TDRD9: variants seen among roughly 807,000 people sequenced by gnomAD.
The protein encoded by TDRD9 is ATP-dependent RNA helicase TDRD9.
TDRD9 carries 124 observed loss-of-function variants against 172.6 expected under a neutral mutation model. The observed-to-expected ratio is 0.72, with a 90% CI of 0.62 to 0.83. TDRD9 has a LOEUF of 0.83. TDRD9 is among the 40% of genes least tolerant of loss of function. The probability of loss-of-function intolerance (pLI) is 0.00; values close to 1 mark genes in which losing one functional copy is unlikely to be tolerated. For synonymous variants in TDRD9, 619 were observed against 617.1 expected, an observed-to-expected ratio of 1.00 and a Z score of -0.05; for missense variants, 1,479 against 1,714.1, an observed-to-expected ratio of 0.86 and a Z score of 2.42.
At chr14:103,966,239 G>A (rs1420024833) in intron 4 of TDRD9, among the ~76,000 whole-genome samples, 1 of 152,046 alleles carries the variant, frequency 6.6e-6, no homozygotes, top group Admixed American at 6.6e-5. Context: ...GCTGGGGTAT[G>A]AGAATTGCTT....
intron 4 of TDRD9, among the ~76,000 whole-genome samples, 169 bp from the exon 5 acceptor site, chr14:103,966,539 CA>C (rs1300155645): frequency 6.6e-6 from 1 of 151,712 alleles, no homozygotes; most frequent in African/African-American, 2.4e-5. Context: ...GCCCTCCCCC[CA>C]AAAAAGAAGA....
chr14:104,002,206 G>A (rs1041579210), intron 13 of TDRD9, among the ~76,000 whole-genome samples: 3 of 151,532 alleles, frequency 2.0e-5, no homozygotes, highest in African/African-American at 7.3e-5. Flanking sequence ...TGTACTCCCA[G>A]CTACTCAGTA....
At chr14:104,043,587 T>C (rs1290057312) in intron 34 of TDRD9, among the ~76,000 whole-genome samples, 1 of 152,140 alleles carries the variant, frequency 6.6e-6, no homozygotes, top group Admixed American at 6.5e-5. Flanking sequence ...CACAGGTATA[T>C]GCCCATGTGG....
At chr14:103,976,812 C>T (rs1007925769) in intron 7 of TDRD9, among the ~76,000 whole-genome samples, 1 of 152,110 alleles carries the variant, frequency 6.6e-6, no homozygotes, top group Non-Finnish European at 1.5e-5. Flanking sequence ...AAGAGTTCCC[C>T]TTTCTTTGCA....
intron 34 of TDRD9, among the ~76,000 whole-genome samples, chr14:104,044,998 T>C (rs978397272): frequency 1.3e-5 from 2 of 152,032 alleles, no homozygotes; most frequent in African/African-American, 4.8e-5. Context: ...CAAAAATTAG[T>C]AGGGCATGGT....
At chr14:104,033,338 G>A (rs1285348291) in intron 30 of TDRD9, among the ~76,000 whole-genome samples, 1 of 152,176 alleles carries the variant, frequency 6.6e-6, no homozygotes, top group Non-Finnish European at 1.5e-5. Context: ...GGATTTCAGA[G>A]TAGAAAGATC....
At chr14:104,050,252 G>A (rs1035415408) in intron 35 of TDRD9, among the ~76,000 whole-genome samples, 1 of 152,072 alleles carries the variant, frequency 6.6e-6, no homozygotes, top group African/African-American at 2.4e-5. Context: ...CTCTCTTAGG[G>A]CACAAATCCC....
At chr14:104,045,742 T>C (rs1402995083) in intron 34 of TDRD9, among the ~76,000 whole-genome samples, 10 of 152,240 alleles carry the variant, frequency 6.6e-5, no homozygotes. Flanking sequence ...AGAGTATGGA[T>C]TGTTGTAAAG....
intron 1 of TDRD9, among the ~76,000 whole-genome samples, chr14:103,929,293 T>G (rs10142365): frequency 0.022 from 3,364 of 152,220 alleles, 138 homozygotes; most frequent in Admixed American, 0.12. Flanking sequence ...TTTTACTGTC[T>G]CCATAATTTT....
At position 103,991,005 on chromosome 14, in the gene TDRD9, T is replaced by C. The variant is rs575616930; in HGVS notation, c.1116-155T>C. Among the ~76,000 whole-genome samples the C allele has an allele frequency of 9.2e-5, 14 of 152,346 alleles. No homozygotes were observed. The South Asian group carries it at 2.3e-3, about 25-fold the overall frequency. On this transcript the variant is annotated intron_variant, in intron 8 of 35. Transcript: ENST00000409874. Reference sequence around the variant, plus strand: ...GGGCCTTGGATGTTTTCTCATCTTTTTGGGCTTCGTGTTTTCTTATGTAAA... The same window carrying C: ...GGGCCTTGGATGTTTTCTCATCTTTCTGGGCTTCGTGTTTTCTTATGTAAA...
intron 23 of TDRD9, among the ~76,000 whole-genome samples, chr14:104,020,366 A>G (rs114689190): frequency 0.01 from 1,550 of 152,196 alleles, 23 homozygotes; most frequent in African/African-American, 0.035. Context: ...GGGAAGGAGG[A>G]TGTCTTGGAT....
Position 104,005,316 on chromosome 14 carries a change from G to A in TDRD9, c.1624G>A (p.Asp542Asn), listed in dbSNP as rs2034400214. 6.2e-7 allele frequency: 1 copy of A among 1,613,782 alleles called. No individual in the cohort carries two copies. Among genetic ancestry groups the A allele is most frequent in the African/African-American group, 1.3e-5 (1 of 74,870 alleles). The change falls in exon 15 of 36, where the codon GAC (aspartate) becomes AAC (asparagine). Residue 542 changes from aspartate (D) to asparagine (N), a missense_variant. Physicochemically the swap from Asp to Asn is conservative, Grantham distance 23 (BLOSUM62 1). Transcript: ENST00000409874. Reference sequence around the variant, plus strand: ...CACGATCTTGAAAGTGAAATTACTTGACATGGGTGAGCCGAGAGCTCTGCT... The same window carrying A: ...CACGATCTTGAAAGTGAAATTACTTAACATGGGTGAGCCGAGAGCTCTGCT... ...GSTILKVKLL[D>N]MGEPRALLAT...
chr14:104,000,325 G>A (rs564385310), intron 13 of TDRD9, among the ~76,000 whole-genome samples: 12 of 107,794 alleles, frequency 1.1e-4, no homozygotes, highest in Admixed American at 7.6e-4. Flanking sequence ...TGAGAGCCCC[G>A]TCTCAAAAAA....
Position 103,955,700 on chromosome 14 carries a change from TAAC to T in TDRD9, c.255_257del (p.Asn85del). The stretch of plus-strand genomic sequence containing the variant: ...AAAGGAGCTCAGAAGTAGAGTATAT[TAAC>T]AAATACAGACAGCTCGAAGCACAAG... On this transcript the variant is annotated inframe_deletion, in exon 2 of 36. Transcript: ENST00000409874. The T allele has an allele frequency of 6.4e-7, 1 of 1,551,438 alleles. No individual in the cohort carries two copies. Among genetic ancestry groups the T allele is most frequent in the African/African-American group, 1.4e-5 (1 of 73,146 alleles).
intron 31 of TDRD9, among the ~76,000 whole-genome samples, 155 bp from the exon 32 acceptor site, chr14:104,034,805 G>A (rs934089470): frequency 1.3e-5 from 2 of 152,232 alleles, no homozygotes; most frequent in Non-Finnish European, 2.9e-5. Context: ...ACAGAGAACA[G>A]GGAGTGTGCG....
chr14:104,027,354 G>C lies in TDRD9; in HGVS notation c.3282+415G>C, dbSNP rs549841763. On this transcript the variant is annotated intron_variant, in intron 28 of 35. Transcript: ENST00000409874. ...GCCACTGCACCCAGCCTCCTATTCA[G>C]CTTTTTATCTTCTTAGGATAGATTT... 2.5e-4 allele frequency among the ~76,000 whole-genome samples: 38 copies of C among 152,066 alleles called. No individual in the cohort carries two copies. The East Asian group carries it at 6.6e-3, about 26-fold the overall frequency.
intron 34 of TDRD9, among the ~76,000 whole-genome samples, chr14:104,042,780 C>T: frequency 6.6e-6 from 1 of 152,092 alleles, no homozygotes. Context: ...GCCAGTCTCC[C>T]TGGGAAGGGC....
At chr14:104,036,303 G>T (rs1024669556) in intron 32 of TDRD9, among the ~76,000 whole-genome samples, 1 of 152,088 alleles carries the variant, frequency 6.6e-6, no homozygotes. Context: ...GTTTCTGAGC[G>T]GCTCTTGTCT....
chr14:104,032,103 G>A lies in TDRD9; in HGVS notation c.3509+16G>A, dbSNP rs779682985. The A allele has an allele frequency of 1.1e-5, 17 of 1,515,220 alleles. No individual in the cohort carries two copies. The South Asian group carries it at 1.9e-4, about 17-fold the overall frequency. 93.9% of individuals were successfully genotyped at this position (1,515,220 alleles called of 1,614,324 possible). On this transcript the variant is annotated intron_variant, in intron 30 of 35. Transcript: ENST00000409874. ...CCAAATTCAGGTATGATTAACTTAA[G>A]TTTTCCATGAATTTTTTTTCTCTGC...
Sources: allele counts gnomAD v4.1 joint callset (sites outside exome capture counted in the v4.1 genomes callset), GRCh38; gene constraint gnomAD v4.1.1; transcripts MANE v1.5; gene names NCBI Gene and HGNC (gene_info 2026-07-23, HGNC 2026-07-21).